COL11A1: variants seen among roughly 807,000 people sequenced by gnomAD.
The protein encoded by COL11A1 is collagen type XI alpha 1 chain, also known as collagen alpha-1(XI) chain.
COL11A1 carries 74 observed loss-of-function variants against 265.2 expected under a neutral mutation model. The observed-to-expected ratio is 0.28, with a 90% CI of 0.23 to 0.34. The LOEUF (loss-of-function observed/expected upper bound fraction) is 0.34. COL11A1 is among the 10% of genes least tolerant of loss of function. COL11A1 has a pLI of 1.00. For synonymous variants in COL11A1, 816 were observed against 727.6 expected (o/e 1.12, Z -1.96); for missense variants, 2,165 against 2,263.6 (o/e 0.96, Z 0.88).
At chr1:103,086,366 T>C (rs1672857820) in intron 1 of COL11A1, among the ~76,000 whole-genome samples, 1 of 152,100 alleles carries the variant, frequency 6.6e-6, no homozygotes, top group Admixed American at 6.6e-5. Flanking sequence ...TGGGCAGAGG[T>C]AAATAATACA....
chr1:102,996,854 A>T (rs1157696715), intron 26 of COL11A1, among the ~76,000 whole-genome samples: 2 of 151,978 alleles, frequency 1.3e-5, no homozygotes, highest in Non-Finnish European at 2.9e-5. Context: ...TATAATACAC[A>T]TGAAAAATAT....
intron 4 of COL11A1, among the ~76,000 whole-genome samples, chr1:103,065,097 C>G (rs984316337): frequency 1.3e-5 from 2 of 152,090 alleles, no homozygotes; most frequent in Non-Finnish European, 2.9e-5. Flanking sequence ...AATTCCTACT[C>G]TCATATGGGA....
At position 102,996,048 on chromosome 1, in the gene COL11A1, A is replaced by G; in HGVS notation, c.2242-6T>C. ...CCTTGTGGACCAGGGGGACCCTGAAATAGATGAATTACCACTTATACGTGT... is the reference window on the plus strand; with the variant it reads ...CCTTGTGGACCAGGGGGACCCTGAAGTAGATGAATTACCACTTATACGTGT... On this transcript the variant is annotated splice_polypyrimidine_tract_variant and splice_region_variant and intron_variant, in intron 26 of 66. Transcript: ENST00000370096. 1 of 1,613,094 alleles carries G rather than the reference A, an allele frequency of 6.2e-7. No individual in the cohort carries two copies. The highest frequency in any genetic ancestry group is 1.3e-5 in the African/African-American group (1 of 75,002).
chr1:102,937,138 C>T (rs1321420405), intron 44 of COL11A1, among the ~76,000 whole-genome samples: 2 of 152,036 alleles, frequency 1.3e-5, no homozygotes, highest in African/African-American at 4.8e-5. Flanking sequence ...TAAATCAATA[C>T]ATAAATATTT....
chr1:102,961,086 T>A (rs1014728659), intron 41 of COL11A1, among the ~76,000 whole-genome samples: 2 of 152,164 alleles, frequency 1.3e-5, no homozygotes, highest in Admixed American at 6.6e-5. Flanking sequence ...AGAGGGCCTT[T>A]AAGGCAACTT....
chr1:102,938,234 T>C (rs893459316), intron 44 of COL11A1, among the ~76,000 whole-genome samples: 1 of 152,008 alleles, frequency 6.6e-6, no homozygotes, highest in Non-Finnish European at 1.5e-5. Flanking sequence ...GATCACAAAA[T>C]AGAACCAGAC....
At chr1:103,038,928 A>G (rs1286759180) in intron 4 of COL11A1, among the ~76,000 whole-genome samples, 1 of 152,170 alleles carries the variant, frequency 6.6e-6, no homozygotes, top group African/African-American at 2.4e-5. Flanking sequence ...GAGAATGATA[A>G]GGAAATATGG....
At chr1:103,071,120 GC>G (rs1300032037) in intron 4 of COL11A1, among the ~76,000 whole-genome samples, 1 of 151,754 alleles carries the variant, frequency 6.6e-6, no homozygotes, top group Admixed American at 6.6e-5. Context: ...CCATCACAAA[GC>G]TTTTCTACTC....
chr1:102,888,735 G>T lies in COL11A1; in HGVS notation c.4542C>A (p.Asn1514Lys), dbSNP rs1468589956. The T allele has an allele frequency of 6.2e-7, 1 of 1,613,948 alleles. No homozygotes were observed. The highest frequency in any genetic ancestry group is 2.2e-5 in the East Asian group (1 of 44,858). ...GLPGPQGPKG[N>K]KGSTGPAGQK... The stretch of plus-strand genomic sequence containing the variant: ...GAAAAGTACTTACAGTAGAGCCTTT[G>T]TTACCCTTTGGGCCTTGAGGACCCT... Residue 1514 changes from asparagine (N) to lysine (K), a missense_variant, in exon 61 of 67, where the codon AAC becomes AAA. Physicochemically the swap from Asn to Lys is moderately conservative, Grantham distance 94. Coordinates refer to ENST00000370096, the MANE Select transcript of COL11A1 (RefSeq NM_001854.4).
intron 62 of COL11A1, 108 bp downstream of exon 62, chr1:102,888,469 G>T: frequency 1.0e-6 from 1 of 987,568 alleles, no homozygotes; most frequent in Non-Finnish European, 1.6e-6. Flanking sequence ...TATAAAATCA[G>T]CACTTTTGGC....
In COL11A1 at chr1:102,995,904, G is replaced by A. The variant is rs372933541; in HGVS notation, c.2300C>T (p.Ala767Val). Residue 767 changes from alanine to valine, a missense_variant, in exon 28 of 67, where the codon GCA becomes GTA. Ala to Val is a moderately conservative substitution (Grantham distance 64, BLOSUM62 0). Coordinates refer to ENST00000370096, the MANE Select transcript of COL11A1 (RefSeq NM_001854.4). Reference sequence around the variant, plus strand: ...TCCCTTGAGACCTCTGACACCATCTGCTCCCTGTGGAATAAATTAGAAGTA... The same window carrying A: ...TCCCTTGAGACCTCTGACACCATCTACTCCCTGTGGAATAAATTAGAAGTA... ...GYPGPRGVKG[A>V]DGVRGLKGSK... 3.1e-6 allele frequency: 5 copies of A among 1,611,478 alleles called. No homozygotes were observed. Among genetic ancestry groups the A allele is most frequent in the African/African-American group, 2.7e-5 (2 of 74,802 alleles).
intron 54 of COL11A1, among the ~76,000 whole-genome samples, chr1:102,902,184 A>T (rs1188313745): frequency 6.6e-6 from 1 of 152,138 alleles, no homozygotes; most frequent in Non-Finnish European, 1.5e-5. Context: ...GTCTCTATGG[A>T]CCTGTTAAGA....
At chr1:102,928,678 C>T (rs36185765) in intron 46 of COL11A1, among the ~76,000 whole-genome samples, 99,848 of 146,980 alleles carry the variant, frequency 0.68, 37,805 homozygotes, top group East Asian at 0.99. Context: ...ACACTGACTT[C>T]GACAATGGTT....
At position 102,950,565 on chromosome 1, in the gene COL11A1, G is replaced by A. The variant is rs191997123; in HGVS notation, c.3169-3609C>T. Among the ~76,000 whole-genome samples, 3 of 151,830 alleles carry A rather than the reference G, an allele frequency of 2.0e-5. No homozygotes were observed. In the East Asian group the frequency reaches 5.8e-4, roughly 30 times the overall value. ...AATTTTTTTTTTACTTTATATCTTAGCATTCTACTTTGAACATTATTTTAT... is the reference window on the plus strand; with the variant it reads ...AATTTTTTTTTTACTTTATATCTTAACATTCTACTTTGAACATTATTTTAT... On this transcript the variant is annotated intron_variant, in intron 41 of 66. Transcript: ENST00000370096.
chr1:103,031,066 T>C (rs766063847), intron 5 of COL11A1, 50 bp downstream of exon 5: 2 of 1,606,528 alleles, frequency 1.2e-6, no homozygotes, highest in South Asian at 2.2e-5. Context: ...TGCACTGCGA[T>C]GTCCATATCA....
intron 36 of COL11A1, among the ~76,000 whole-genome samples, chr1:102,971,017 CA>C (rs746307548): frequency 7.0e-5 from 1 of 14,252 alleles, no homozygotes; most frequent in African/African-American, 1.3e-4. Flanking sequence ...AAAAACAAAA[CA>C]AAACAAACAA....
Position 102,888,587 on chromosome 1 carries a change from G to C in COL11A1, c.4598C>G (p.Pro1533Arg). ...TTAACATATACTTACTGGAGACCCA[G>C]GAGGCCCTGGAAGACCACTGTCACC... The part of the protein sequence containing the change: ...QKGDSGLPGP[P>R]GSPGPPGEVI... Residue 1533 changes from proline to arginine, a missense_variant, in exon 62 of 67, where the codon CCT (proline) becomes CGT (arginine). Pro to Arg is a moderately radical substitution (Grantham distance 103). Transcript: ENST00000370096. 1.2e-6 allele frequency: 2 copies of C among 1,613,352 alleles called. No individual in the cohort carries two copies. The highest frequency in any genetic ancestry group is 1.7e-6 in the Non-Finnish European group (2 of 1,179,378).
At chr1:103,027,459 G>C (rs12041755) in intron 5 of COL11A1, among the ~76,000 whole-genome samples, 2,092 of 129,916 alleles carry the variant, frequency 0.016, 48 homozygotes, top group East Asian at 0.11. Flanking sequence ...GCATGCCGGG[G>C]CAATTTATAT....
At chr1:103,065,522 CAAA>C (rs138446065) in intron 4 of COL11A1, among the ~76,000 whole-genome samples, 1,938 of 35,172 alleles carry the variant, frequency 0.055, 17 homozygotes, top group East Asian at 0.18. Flanking sequence ...GACTCCGTCT[CAAA>C]AAAAAAAAAA....
Sources: allele counts gnomAD v4.1 joint callset (sites outside exome capture counted in the v4.1 genomes callset), GRCh38; gene constraint gnomAD v4.1.1; transcripts MANE v1.5; gene names NCBI Gene and HGNC (gene_info 2026-07-23, HGNC 2026-07-21).